Variants in MSI2 observed in about 807,000 individuals in gnomAD.
MSI2 encodes RNA-binding protein Musashi homolog 2.
A neutral mutation model predicts 45.6 loss-of-function variants in MSI2; 17 were observed. That is an observed-to-expected ratio of 0.37 (90% CI 0.26 to 0.56). The LOEUF is 0.56. Among genes scored for constraint, MSI2 ranks in the 20% least tolerant of loss-of-function variants. The probability of loss-of-function intolerance (pLI) is 0.77; values close to 1 mark genes in which losing one functional copy is unlikely to be tolerated. For missense variants in MSI2, 293 were observed against 444.2 expected (o/e 0.66, Z 3.06); for synonymous variants, 156 against 158.2 (o/e 0.99, Z 0.11).
At chr17:57,336,834 G>A (rs569482275) in intron 5 of MSI2, among the ~76,000 whole-genome samples, 1 of 152,282 alleles carries the variant, frequency 6.6e-6, no homozygotes, top group African/African-American at 2.4e-5. Context: ...AATAGCAAAC[G>A]TTTATCATCT....
chr17:57,337,182 G>A lies in MSI2; in HGVS notation c.313-64197G>A, dbSNP rs535941832. 1.4e-3 allele frequency among the ~76,000 whole-genome samples: 212 copies of A among 152,274 alleles called. 3 individuals are homozygous for A. The highest frequency in any genetic ancestry group is 3.5e-3 in the Admixed American group (53 of 15,296). On this transcript the variant is annotated intron_variant, in intron 5 of 13. Coordinates refer to ENST00000284073, the MANE Select transcript of MSI2 (RefSeq NM_138962.4). ...TCCAGATGAGGAAACTGAAGCTCAA[G>A]GAAGTTGATTACCTTCTTCCCAACT...
At chr17:57,474,104 G>T (rs1056700656) in intron 6 of MSI2, among the ~76,000 whole-genome samples, 4 of 152,040 alleles carry the variant, frequency 2.6e-5, no homozygotes, top group South Asian at 2.1e-4. Context: ...CGCGAAGTTG[G>T]GGGTATTTGC....
At chr17:57,575,901 T>C (rs1349330537) in intron 7 of MSI2, among the ~76,000 whole-genome samples, 2 of 132,042 alleles carry the variant, frequency 1.5e-5, no homozygotes, top group Non-Finnish European at 3.1e-5. Flanking sequence ...GCCAAGATTG[T>C]GCCACTGCAC....
Position 57,520,879 on chromosome 17 carries a change from G to A in MSI2, c.406-8797G>A, listed in dbSNP as rs1264647073. On this transcript the variant is annotated intron_variant, in intron 6 of 13. Coordinates refer to ENST00000284073, the MANE Select transcript of MSI2 (RefSeq NM_138962.4). ...GGAGTTTCACCATGTTAGCCAGGCT[G>A]GTCTTGAACTCGGGACCTCAAGTGA... Among the ~76,000 whole-genome samples, 3 of 151,856 alleles carry A rather than the reference G, an allele frequency of 2.0e-5. No individual in the cohort carries two copies. The East Asian group carries it at 5.8e-4, about 29-fold the overall frequency.
chr17:57,394,773 G>A (rs903753332), intron 5 of MSI2, among the ~76,000 whole-genome samples: 2 of 152,146 alleles, frequency 1.3e-5, no homozygotes, highest in Non-Finnish European at 2.9e-5. Flanking sequence ...TGGGTGTGAT[G>A]CCCTCTTCCC....
intron 5 of MSI2, chr17:57,264,817 G>T (rs1485106201): frequency 6.6e-6 from 1 of 152,224 alleles, no homozygotes; most frequent in Non-Finnish European, 1.5e-5. Context: ...TCTGCTATGC[G>T]ACAGGAGATG....
intron 5 of MSI2, among the ~76,000 whole-genome samples, chr17:57,272,116 C>A (rs1476001703): frequency 6.6e-6 from 1 of 152,176 alleles, no homozygotes; most frequent in Middle Eastern, 3.2e-3. Flanking sequence ...TTTCCTTCTG[C>A]ATGCTTGCAT....
intron 7 of MSI2, among the ~76,000 whole-genome samples, chr17:57,579,090 G>C (rs890450053): frequency 1.3e-5 from 2 of 152,166 alleles, no homozygotes; most frequent in African/African-American, 4.8e-5. Flanking sequence ...CAAAACATTA[G>C]AGCATATGGT....
rs370897097 is a variant in MSI2, at chr17:57,674,949, T to G, written c.791-23T>G. 3.1e-6 allele frequency: 5 copies of G among 1,612,308 alleles called. No individual in the cohort carries two copies. The African/African-American group carries it at 4.0e-5, about 13-fold the overall frequency. ...ATAGCTACAGTGCTCAACCGAATTT[T>G]GGCGCGCCCGCTTCCCCGGCAGGCT... On this transcript the variant is annotated intron_variant, in intron 11 of 13. Transcript: ENST00000284073.
In MSI2 at chr17:57,436,267, C is replaced by T. The variant is rs574876191; in HGVS notation, c.405+34796C>T. On this transcript the variant is annotated intron_variant, in intron 6 of 13. Transcript: ENST00000284073. Reference sequence around the variant, plus strand: ...GATGGGAAGAATAAGAAAGTAACTACCTCACATGGGGGCAGTGAGGGTTAA... The same window carrying T: ...GATGGGAAGAATAAGAAAGTAACTATCTCACATGGGGGCAGTGAGGGTTAA... Among the ~76,000 whole-genome samples the T allele has an allele frequency of 8.5e-5, 13 of 152,286 alleles. No homozygotes were observed. The East Asian group carries it at 1.9e-3, about 23-fold the overall frequency.
intron 5 of MSI2, among the ~76,000 whole-genome samples, chr17:57,303,284 A>C (rs912780620): frequency 2.0e-5 from 3 of 152,200 alleles, no homozygotes; most frequent in African/African-American, 7.2e-5. Context: ...TGCCTATGGA[A>C]GGGGAAAAAA....
At chr17:57,692,106 G>T in the MSI2 span, among the ~76,000 whole-genome samples, 2 of 152,102 alleles carry the variant, frequency 1.3e-5, no homozygotes, top group African/African-American at 2.4e-5. Context: ...ATATTGAAAT[G>T]GTCATATTGT....
intron 6 of MSI2, among the ~76,000 whole-genome samples, chr17:57,445,050 T>G (rs1295416298): frequency 6.6e-6 from 1 of 152,096 alleles, no homozygotes; most frequent in Non-Finnish European, 1.5e-5. Context: ...TATCTGGGCG[T>G]TTTTCATAGA....
At position 57,512,968 on chromosome 17, in the gene MSI2, C is replaced by CTTTTTTTTTTTTTTTTTTTTT. The variant is rs34727727; in HGVS notation, c.406-16691_406-16690insTTTTTTTTTTTTTTTTTTTTT. Among the ~76,000 whole-genome samples, 5 of 114,718 alleles carry CTTTTTTTTTTTTTTTTTTTTT rather than the reference C, an allele frequency of 4.4e-5. 2 individuals carry two copies. Among genetic ancestry groups the CTTTTTTTTTTTTTTTTTTTTT allele is most frequent in the Non-Finnish European group, 3.4e-5 (2 of 59,486 alleles). 75.3% of individuals were successfully genotyped at this position (114,718 alleles called of 152,430 possible). A position where few individuals can be genotyped will look rare whatever the true frequency, so the allele number is the denominator to read the frequency against. On this transcript the variant is annotated intron_variant, in intron 6 of 13. Coordinates refer to ENST00000284073, the MANE Select transcript of MSI2 (RefSeq NM_138962.4). ...ATATTGCACATGAATTAGCTTCTTC[C>CTTTTTTTTTTTTTTTTTTTTT]TTTTTTTTTTTTTTTTTCCTTCTGA...
intron 5 of MSI2, among the ~76,000 whole-genome samples, chr17:57,339,648 A>G (rs935985640): frequency 1.3e-5 from 2 of 151,810 alleles, no homozygotes; most frequent in Admixed American, 1.3e-4. Context: ...TCCATTTTTC[A>G]TTCTTTGGGA....
intron 6 of MSI2, among the ~76,000 whole-genome samples, chr17:57,408,577 T>TGA (rs2084128464): frequency 6.7e-6 from 1 of 149,998 alleles, no homozygotes; most frequent in African/African-American, 2.4e-5. Flanking sequence ...AAGGAGTTAA[T>TGA]GAGCCCTGGG....
chr17:57,465,615 TCAGGCCTTACC>T (rs1435187905), intron 6 of MSI2, among the ~76,000 whole-genome samples: 3 of 152,136 alleles, frequency 2.0e-5, no homozygotes, highest in Non-Finnish European at 4.4e-5. Context: ...TGTCCTTAAT[TCAGGCCTTACC>T]CAAAGCCCAT....
At position 57,466,762 on chromosome 17, in the gene MSI2, T is replaced by C. The variant is rs2085338036; in HGVS notation, c.406-62914T>C. Among the ~76,000 whole-genome samples the C allele has an allele frequency of 2.8e-5, 4 of 145,016 alleles. No individual in the cohort carries two copies. In the Middle Eastern group the frequency reaches 0.01, roughly 380 times the overall value. ...ATAAGTGTCTGCATTTTTCTCACTA[T>C]ACTCTCATCCCCTCTTTTCTTTATT... On this transcript the variant is annotated intron_variant, in intron 6 of 13. Transcript: ENST00000284073.
intron 5 of MSI2, 36 bp downstream of exon 5, chr17:57,262,228 CAG>C: frequency 6.2e-7 from 1 of 1,608,726 alleles, no homozygotes; most frequent in Non-Finnish European, 8.5e-7. Context: ...TTTTAGCACT[CAG>C]AGATGATTGC....
Sources: allele counts gnomAD v4.1 joint callset (sites outside exome capture counted in the v4.1 genomes callset), GRCh38; gene constraint gnomAD v4.1.1; transcripts MANE v1.5; gene names NCBI Gene and HGNC (gene_info 2026-07-23, HGNC 2026-07-21).